Variants in HDLBP observed in about 807,000 individuals in gnomAD.
The protein encoded by HDLBP is high density lipoprotein binding protein.
Under a neutral mutation model 137.3 loss-of-function variants are expected in HDLBP, and 30 were observed. That is an observed-to-expected ratio of 0.22 (90% CI 0.16 to 0.30). HDLBP has a LOEUF of 0.30. HDLBP is among the 10% of genes least tolerant of loss of function. The pLI is 1.00. For synonymous variants in HDLBP, 606 were observed against 596.0 expected, an observed-to-expected ratio of 1.02 and a Z score of -0.24; for missense variants, 1,119 against 1,667.3, an observed-to-expected ratio of 0.67 and a Z score of 5.73.
chr2:241,306,952 G>C (rs1437774468), intron 1 of HDLBP, among the ~76,000 whole-genome samples: 1 of 137,168 alleles, frequency 7.3e-6, no homozygotes, highest in Non-Finnish European at 1.5e-5. Flanking sequence ...CAGGTCCAGG[G>C]AGTAGCTCTG....
chr2:241,256,130 A>C (rs1453684097), intron 7 of HDLBP, 54 bp downstream of exon 7: 2 of 1,493,918 alleles, frequency 1.3e-6, no homozygotes, highest in African/African-American at 2.8e-5. Flanking sequence ...CTCCAGACCC[A>C]AATCCTCATT....
intron 2 of HDLBP, among the ~76,000 whole-genome samples, chr2:241,267,171 T>G (rs1040604334): frequency 1.3e-5 from 2 of 152,070 alleles, no homozygotes; most frequent in Non-Finnish European, 2.9e-5. Context: ...AAGAATGATC[T>G]TGGGACACAC....
intron 14 of HDLBP, 74 bp from the exon 15 acceptor site, chr2:241,247,216 A>G: frequency 3.2e-6 from 3 of 939,060 alleles, no homozygotes; most frequent in Non-Finnish European, 5.2e-6. Context: ...TCTACCCCTA[A>G]GGGTAGCATG....
chr2:241,277,032 G>GTA (rs2074414584), intron 1 of HDLBP, among the ~76,000 whole-genome samples: 1 of 150,230 alleles, frequency 6.7e-6, no homozygotes, highest in Non-Finnish European at 1.5e-5. Context: ...TTAAATCATA[G>GTA]TAACATTCTC....
intron 1 of HDLBP, chr2:241,271,180 C>T: frequency 6.2e-6 from 6 of 966,492 alleles, no homozygotes; most frequent in Non-Finnish European, 7.4e-6. Flanking sequence ...GCCCCAGTCC[C>T]TTCGTGATTC....
In HDLBP at chr2:241,229,704, C is replaced by T; in HGVS notation, c.3721-17G>A. The stretch of plus-strand genomic sequence containing the variant: ...GTCAGGAGCCTGTGCAGAGAGAGGA[C>T]ACGGCTTCAGGAGGGGATGCTCCCC... On this transcript the variant is annotated splice_polypyrimidine_tract_variant and intron_variant, in intron 27 of 27. Coordinates refer to ENST00000310931, the MANE Select transcript of HDLBP (RefSeq NM_005336.6). The T allele has an allele frequency of 6.2e-7, 1 of 1,613,602 alleles. No homozygotes were observed. Among genetic ancestry groups the T allele is most frequent in the South Asian group, 1.1e-5 (1 of 91,050 alleles).
intron 1 of HDLBP, among the ~76,000 whole-genome samples, chr2:241,271,282 CTTTTAA>C (rs919988960): frequency 2.0e-5 from 3 of 152,342 alleles, no homozygotes; most frequent in South Asian, 4.1e-4. Context: ...TGAACCTGGA[CTTTTAA>C]TTTTGTTTCC....
At position 241,230,690 on chromosome 2, in the gene HDLBP, T is replaced by G. The variant is rs2069636406; in HGVS notation, c.3474+69A>C. 1.2e-5 allele frequency: 17 copies of G among 1,404,208 alleles called. No individual in the cohort carries two copies. Among genetic ancestry groups the G allele is most frequent in the Non-Finnish European group, 1.4e-5 (14 of 1,005,300 alleles). 87.0% of individuals were successfully genotyped at this position (1,404,208 alleles called of 1,614,324 possible). On this transcript the variant is annotated intron_variant, in intron 25 of 27. Transcript: ENST00000310931. The surrounding 1 kb of genome is among the most constrained non-coding windows in gnomAD (Gnocchi z 5.0). ...TTGAGGGGAAGGCCATGCCCTGCTC[T>G]TTCTTCTGGCCAGCCAGGTGCCCCC...
intron 16 of HDLBP, among the ~76,000 whole-genome samples, chr2:241,243,314 G>A (rs564433187): frequency 6.6e-5 from 10 of 152,320 alleles, no homozygotes; most frequent in Admixed American, 2.6e-4. Context: ...ACTGATACGC[G>A]TGAAGAAATC....
chr2:241,295,953 A>C lies in HDLBP; in HGVS notation c.-103+19617T>G, dbSNP rs139132591. Reference sequence around the variant, plus strand: ...AGTCTCCAAAACTGCGAGAGAATACATTCCTGTTGTAAGCCACCAAATGTG... The same window carrying C: ...AGTCTCCAAAACTGCGAGAGAATACCTTCCTGTTGTAAGCCACCAAATGTG... On this transcript the variant is annotated intron_variant, in intron 1 of 27. Transcript: ENST00000310931. Among the ~76,000 whole-genome samples, 49 of 152,252 alleles carry C rather than the reference A, an allele frequency of 3.2e-4. No homozygotes were observed. The East Asian group carries it at 6.8e-3, about 21-fold the overall frequency.
chr2:241,314,410 G>A (rs2075911605), intron 1 of HDLBP, among the ~76,000 whole-genome samples: 1 of 152,102 alleles, frequency 6.6e-6, no homozygotes, highest in African/African-American at 2.4e-5. Context: ...GGGTTTTAAG[G>A]AAGTTAGCTG....
In HDLBP at chr2:241,310,089, G is replaced by T. The variant is rs1038206176; in HGVS notation, c.-103+5481C>A. 3.3e-5 allele frequency among the ~76,000 whole-genome samples: 5 copies of T among 152,070 alleles called. No homozygotes were observed. The South Asian group carries it at 1.0e-3, about 31-fold the overall frequency. The stretch of plus-strand genomic sequence containing the variant: ...AACAAACCAGAGCAGCCTCAATAGT[G>T]ACTTAAGGAAAAAGAAAACAGGGAA... On this transcript the variant is annotated intron_variant, in intron 1 of 27. Transcript: ENST00000310931.
chr2:241,314,681 C>T (rs556560925), intron 1 of HDLBP, among the ~76,000 whole-genome samples: 2 of 152,202 alleles, frequency 1.3e-5, no homozygotes, highest in Non-Finnish European at 2.9e-5. Context: ...GTCTGACCCT[C>T]TCATTTTTTA....
At chr2:241,242,761 G>T in intron 16 of HDLBP, 83 bp from the exon 17 acceptor site, 1 of 1,204,428 alleles carries the variant, frequency 8.3e-7, no homozygotes. Context: ...ATCATCTTTG[G>T]TGGTGATGAA....
At chr2:241,237,323 G>A (rs1019554438) in intron 20 of HDLBP, among the ~76,000 whole-genome samples, 8 of 152,302 alleles carry the variant, frequency 5.3e-5, no homozygotes, top group African/African-American at 1.7e-4. Context: ...GTGAAGAGGC[G>A]TGTGAACAGG....
intron 1 of HDLBP, among the ~76,000 whole-genome samples, chr2:241,305,249 G>A (rs2075532005): frequency 6.6e-6 from 1 of 152,210 alleles, no homozygotes; most frequent in Admixed American, 6.5e-5. Flanking sequence ...TCAGCCTGCT[G>A]AGTAGCTGCG....
intron 1 of HDLBP, among the ~76,000 whole-genome samples, chr2:241,282,272 A>C (rs1200250711): frequency 1.3e-5 from 2 of 152,238 alleles, no homozygotes; most frequent in African/African-American, 4.8e-5. Context: ...TTTGTATTTT[A>C]AAATGCAAGT....
Position 241,256,417 on chromosome 2 carries a change from AT to A in HDLBP, c.658-19del. On this transcript the variant is annotated intron_variant, in intron 6 of 27. Coordinates refer to ENST00000310931, the MANE Select transcript of HDLBP (RefSeq NM_005336.6). ...CGTTTGTCCTGGAAAGGAAGGGATG[AT>A]CTGATGAGAACAGGCCTTTGAAAAC... The A allele has an allele frequency of 6.3e-7, 1 of 1,590,576 alleles. No individual in the cohort carries two copies. Among genetic ancestry groups the A allele is most frequent in the South Asian group, 1.2e-5 (1 of 86,734 alleles).
chr2:241,268,653 T>G lies in HDLBP; in HGVS notation c.-102-112A>C, dbSNP rs1014025384. On this transcript the variant is annotated intron_variant, in intron 1 of 27. Coordinates refer to ENST00000310931, the MANE Select transcript of HDLBP (RefSeq NM_005336.6). ...CTCAAAATCAGAAAAGGTCAAGATA[T>G]TTATGCTTTGGTTACTAACACCAAT... 1.1e-5 allele frequency: 3 copies of G among 272,290 alleles called. No individual in the cohort carries two copies. The Admixed American group carries it at 2.0e-4, about 18-fold the overall frequency. The allele number at this position is 272,290 out of a possible 1,614,324, so 16.9% of individuals were successfully genotyped here.
Sources: allele counts gnomAD v4.1 joint callset (sites outside exome capture counted in the v4.1 genomes callset), GRCh38; gene constraint gnomAD v4.1.1; non-coding constraint Gnocchi (gnomAD v3.1); transcripts MANE v1.5; gene names NCBI Gene and HGNC (gene_info 2026-07-23, HGNC 2026-07-21).